UST: variants seen among roughly 807,000 people sequenced by gnomAD.
UST encodes the protein chondroitin sulfate 2-O-sulfotransferase.
In UST, 21 loss-of-function variants were observed where a neutral mutation model predicts 45.6. The ratio of observed to expected loss-of-function variants is 0.46; its 90% CI spans 0.33 to 0.66. UST has a LOEUF of 0.66. Among genes scored for constraint, UST ranks in the 30% least tolerant of loss-of-function variants. The pLI is 0.02. For synonymous variants in UST, 215 were observed against 200.6 expected (o/e 1.07, Z -0.61); for missense variants, 463 against 512.4 (o/e 0.90, Z 0.93).
chr6:148,777,939 G>A (rs1443610361), intron 1 of UST, among the ~76,000 whole-genome samples: 1 of 152,186 alleles, frequency 6.6e-6, no homozygotes, highest in Admixed American at 6.5e-5. Context: ...GTCCAGGTCT[G>A]TAGCCTAGGA....
rs1778921548 is a variant in UST, at chr6:148,886,921, A to G, written c.248-65A>G. 6.0e-6 allele frequency: 8 copies of G among 1,342,282 alleles called. No individual in the cohort carries two copies. The South Asian group carries it at 8.3e-5, about 14-fold the overall frequency. 83.1% of individuals were successfully genotyped at this position (1,342,282 alleles called of 1,614,324 possible). ...ATAACTAGAATGCTTATCTTCAATA[A>G]CTTTGCACTAAATTCATTTGGGATT... On this transcript the variant is annotated intron_variant, in intron 1 of 7. Transcript: ENST00000367463.
intron 4 of UST, among the ~76,000 whole-genome samples, chr6:148,956,777 C>A (rs1477305612): frequency 6.6e-6 from 1 of 152,196 alleles, no homozygotes; most frequent in African/African-American, 2.4e-5. Context: ...CTCTTCTATA[C>A]ACTACATGAG....
At chr6:148,923,618 A>G (rs925333445) in intron 2 of UST, among the ~76,000 whole-genome samples, 1 of 152,222 alleles carries the variant, frequency 6.6e-6, no homozygotes, top group Non-Finnish European at 1.5e-5. Flanking sequence ...TAAGAATAAT[A>G]GGCTTTGGCT....
At chr6:149,067,980 GGTGGTTTT>G (rs1776766265) in intron 7 of UST, among the ~76,000 whole-genome samples, 1 of 152,124 alleles carries the variant, frequency 6.6e-6, no homozygotes, top group East Asian at 1.9e-4. Context: ...TGGTTGTTGG[GGTGGTTTT>G]CATCACTGAC....
intron 1 of UST, among the ~76,000 whole-genome samples, chr6:148,792,658 G>A (rs541871736): frequency 9.9e-5 from 15 of 152,272 alleles, no homozygotes; most frequent in Non-Finnish European, 1.8e-4. Flanking sequence ...TATGGGAAAT[G>A]TTATAGTTTA....
At chr6:148,895,887 C>T (rs185593059) in intron 2 of UST, among the ~76,000 whole-genome samples, 115 of 152,342 alleles carry the variant, frequency 7.5e-4, no homozygotes, top group African/African-American at 2.5e-3. Context: ...AAAACTACCA[C>T]AAGTTCCTAA....
At chr6:148,852,373 C>T (rs965054519) in intron 1 of UST, among the ~76,000 whole-genome samples, 2 of 152,146 alleles carry the variant, frequency 1.3e-5, no homozygotes, top group South Asian at 2.1e-4. Context: ...GCCCGTGCTG[C>T]GTGCCCTGGA....
intron 1 of UST, among the ~76,000 whole-genome samples, chr6:148,816,106 G>A (rs1777348972): frequency 6.6e-6 from 1 of 152,160 alleles, no homozygotes; most frequent in African/African-American, 2.4e-5. Flanking sequence ...GGCCAGCTGG[G>A]GTGTAGATAG....
chr6:148,827,166 T>C (rs891526361), intron 1 of UST, among the ~76,000 whole-genome samples: 8 of 152,218 alleles, frequency 5.3e-5, no homozygotes, highest in African/African-American at 1.7e-4. Context: ...TATGACTCAC[T>C]TTGGGGTACG....
In UST at chr6:148,941,324, T is replaced by C. The variant is rs780107263; in HGVS notation, c.337T>C (p.Cys113Arg). The stretch of plus-strand genomic sequence containing the variant: ...GGTGGTGTACAACAGGGTAGGCAAG[T>C]GTGGGAGCCGTACTGTGGTCTTGCT... ...SQVVYNRVGK[C>R]GSRTVVLLLR... is the part of the protein sequence containing the mutation. Residue 113 changes from cysteine to arginine, a missense_variant, in exon 3 of 8, where the codon TGT (cysteine) becomes CGT (arginine). By Grantham distance (180) the Cys-to-Arg change is radical. Around this residue, in one of 2 missense-constraint regions of UST, gnomAD observed 287 missense variants for 374.2 expected, o/e 0.77. Coordinates refer to ENST00000367463, the MANE Select transcript of UST (RefSeq NM_005715.3). 6.2e-6 allele frequency: 10 copies of C among 1,612,802 alleles called. No homozygotes were observed. Among genetic ancestry groups the C allele is most frequent in the Non-Finnish European group, 8.5e-6 (10 of 1,179,806 alleles).
At chr6:148,813,861 C>A (rs570921130) in intron 1 of UST, among the ~76,000 whole-genome samples, 1 of 152,128 alleles carries the variant, frequency 6.6e-6, no homozygotes, top group East Asian at 1.9e-4. Context: ...GCCTTTATTA[C>A]AATCTGTGAA....
chr6:148,827,531 G>A (rs1777595230), intron 1 of UST, among the ~76,000 whole-genome samples: 1 of 151,804 alleles, frequency 6.6e-6, no homozygotes, highest in Non-Finnish European at 1.5e-5. Flanking sequence ...CAGGAGAATT[G>A]CTTGAATCCA....
At chr6:148,867,321 CACACACATAT>C (rs1465676075) in intron 1 of UST, among the ~76,000 whole-genome samples, 65 of 139,888 alleles carry the variant, frequency 4.6e-4, no homozygotes, top group Admixed American at 1.5e-3. Flanking sequence ...CACACACACA[CACACACATAT>C]ATATGTACGT....
chr6:148,860,333 G>A (rs902544885), intron 1 of UST, among the ~76,000 whole-genome samples: 5 of 152,154 alleles, frequency 3.3e-5, no homozygotes, highest in Non-Finnish European at 5.9e-5. Context: ...TGTGATTTTT[G>A]CACATTGATT....
At chr6:148,946,136 C>CAG (rs1780230458) in intron 3 of UST, among the ~76,000 whole-genome samples, 2 of 152,186 alleles carry the variant, frequency 1.3e-5, no homozygotes, top group African/African-American at 2.4e-5. Context: ...AAACCCAACT[C>CAG]ACCTAAAAAA....
chr6:149,048,900 G>A (rs867427020), intron 7 of UST, among the ~76,000 whole-genome samples: 3 of 152,166 alleles, frequency 2.0e-5, no homozygotes, highest in African/African-American at 4.8e-5. Context: ...GAGAAATGGC[G>A]CCTCAGGAGA....
At chr6:148,862,069 A>G (rs1234004304) in intron 1 of UST, among the ~76,000 whole-genome samples, 2 of 150,832 alleles carry the variant, frequency 1.3e-5, no homozygotes, top group African/African-American at 2.4e-5. Flanking sequence ...TTTCTGTCTC[A>G]TGGATCTGTC....
intron 2 of UST, among the ~76,000 whole-genome samples, chr6:148,901,612 C>T (rs929910567): frequency 1.3e-5 from 2 of 148,822 alleles, no homozygotes; most frequent in South Asian, 2.1e-4. Flanking sequence ...GACTGGAGTG[C>T]AATGGTGTGA....
intron 3 of UST, among the ~76,000 whole-genome samples, chr6:148,942,586 AAAAT>A (rs1050840185): frequency 5.9e-5 from 9 of 152,248 alleles, no homozygotes; most frequent in African/African-American, 9.6e-5. Flanking sequence ...AGTAAATAAA[AAAAT>A]AAATAAATAA....
Sources: allele counts gnomAD v4.1 joint callset (sites outside exome capture counted in the v4.1 genomes callset), GRCh38; gene constraint gnomAD v4.1.1; regional missense constraint gnomAD v4.1.1; transcripts MANE v1.5; gene names NCBI Gene and HGNC (gene_info 2026-07-23, HGNC 2026-07-21).